Variants in IPO11 observed in about 807,000 individuals in gnomAD.
The protein encoded by IPO11 is importin 11, also known as importin-11.
IPO11 carries 66 observed loss-of-function variants against 143.2 expected under a neutral mutation model. That is an observed-to-expected ratio of 0.46 (90% CI 0.38 to 0.57). The LOEUF (loss-of-function observed/expected upper bound fraction) is 0.57. Ranked by LOEUF, IPO11 falls within the 20% of genes least tolerant of loss-of-function variation. The pLI is 0.00. For synonymous variants in IPO11, 385 were observed against 377.8 expected, an observed-to-expected ratio of 1.02 and a Z score of -0.22; for missense variants, 1,026 against 1,141.0, an observed-to-expected ratio of 0.90 and a Z score of 1.45.
chr5:62,615,090 G>A (rs888805947), intron 29 of IPO11, among the ~76,000 whole-genome samples: 3 of 152,086 alleles, frequency 2.0e-5, no homozygotes, highest in African/African-American at 4.8e-5. Context: ...TGTGGATTGC[G>A]GTCTATATAG....
chr5:62,413,779 T>G (rs949583335), intron 1 of IPO11, among the ~76,000 whole-genome samples: 2 of 152,242 alleles, frequency 1.3e-5, no homozygotes, highest in Non-Finnish European at 2.9e-5. Flanking sequence ...CCTCCTGGGA[T>G]AGGAATTTTC....
chr5:62,443,379 TTGAGTGTGTG>T (rs1468421943), intron 3 of IPO11: 31 of 221,230 alleles, frequency 1.4e-4, no homozygotes, highest in African/African-American at 8.6e-4. Flanking sequence ...GGTTTTCCAT[TTGAGTGTGTG>T]TGTGTGTGTG....
intron 1 of IPO11, chr5:62,418,851 T>C: frequency 1.4e-6 from 1 of 728,932 alleles, no homozygotes; most frequent in African/African-American, 1.8e-5. Flanking sequence ...TGTCTCCTTA[T>C]TCTTATATGC....
rs1321125709 is a variant in IPO11, at chr5:62,598,553, CTTTT to C, written c.2679-3202_2679-3199del. On this transcript the variant is annotated intron_variant, in intron 28 of 29. Coordinates refer to ENST00000325324, the MANE Select transcript of IPO11 (RefSeq NM_016338.5). ...TTTCTTTCTTTTCTTTCTTTTCTTTCTTTTTTTTTTTTATGGAGTCTTGCCCTGT... is the reference window on the plus strand; with the variant it reads ...TTTCTTTCTTTTCTTTCTTTTCTTTCTTTTTTTTATGGAGTCTTGCCCTGT... Among the ~76,000 whole-genome samples the C allele has an allele frequency of 3.7e-4, 3 of 8,110 alleles. 1 individual carries two copies. In the African/African-American group the frequency reaches 4.6e-3, roughly 12 times the overall value. 5.3% of individuals were successfully genotyped at this position (8,110 alleles called of 152,430 possible). A position where few individuals can be genotyped will look rare whatever the true frequency, so the allele number is the denominator to read the frequency against.
intron 29 of IPO11, among the ~76,000 whole-genome samples, chr5:62,616,681 C>G (rs1043285693): frequency 2.1e-5 from 3 of 141,060 alleles, no homozygotes; most frequent in Admixed American, 1.5e-4. Context: ...GGCTGTGCCC[C>G]TGCACTCCAG....
At chr5:62,416,339 C>T (rs142952579) in intron 1 of IPO11, among the ~76,000 whole-genome samples, 2,733 of 151,932 alleles carry the variant, frequency 0.018, 91 homozygotes, top group African/African-American at 0.062. Context: ...CTCACCACCA[C>T]GCCCGGCTAA....
chr5:62,623,645 C>CTT (rs34547621), intron 29 of IPO11, among the ~76,000 whole-genome samples: 50 of 134,244 alleles, frequency 3.7e-4, no homozygotes, highest in Admixed American at 6.0e-4. Context: ...TCTTCTTTTT[C>CTT]TTTTTTTTTT....
intron 20 of IPO11, among the ~76,000 whole-genome samples, chr5:62,516,928 G>T (rs1254549892): frequency 1.3e-5 from 2 of 151,440 alleles, no homozygotes; most frequent in African/African-American, 2.4e-5. Flanking sequence ...GCTGGGCGTG[G>T]TGGCTCAAGC....
intron 16 of IPO11, among the ~76,000 whole-genome samples, chr5:62,499,303 T>G (rs187430476): frequency 1.2e-3 from 189 of 152,302 alleles, no homozygotes; most frequent in Non-Finnish European, 2.2e-3. Context: ...GGTAAGTATT[T>G]GTGTGTCTAA....
intron 2 of IPO11, among the ~76,000 whole-genome samples, chr5:62,441,042 A>G (rs1435524423): frequency 6.6e-6 from 1 of 152,130 alleles, no homozygotes; most frequent in Non-Finnish European, 1.5e-5. Context: ...GTTTTCCTAT[A>G]CAAGGTTTAA....
chr5:62,427,102 T>C (rs1385628208), intron 1 of IPO11, among the ~76,000 whole-genome samples: 1 of 151,558 alleles, frequency 6.6e-6, no homozygotes, highest in Non-Finnish European at 1.5e-5. Context: ...CACACCTGGC[T>C]CATTTTTTTG....
intron 13 of IPO11, among the ~76,000 whole-genome samples, chr5:62,489,040 A>C (rs1196365924): frequency 6.6e-6 from 1 of 152,222 alleles, no homozygotes; most frequent in Non-Finnish European, 1.5e-5. Flanking sequence ...ATAGCACATT[A>C]GCATTTTGTG....
At chr5:62,611,866 A>G (rs190805906) in intron 29 of IPO11, among the ~76,000 whole-genome samples, 2 of 152,218 alleles carry the variant, frequency 1.3e-5, no homozygotes, top group East Asian at 3.9e-4. Flanking sequence ...AAATTGTAGT[A>G]CTTACTGTCT....
chr5:62,557,992 T>C (rs576249977), intron 26 of IPO11, among the ~76,000 whole-genome samples: 45 of 152,342 alleles, frequency 3.0e-4, no homozygotes, highest in African/African-American at 1.1e-3. Context: ...GTAAGTCACC[T>C]AGAACTTTAT....
intron 27 of IPO11, chr5:62,579,747 CTT>C (rs1744471602): frequency 1.3e-6 from 2 of 1,547,072 alleles, no homozygotes; most frequent in Non-Finnish European, 1.7e-6. Context: ...ATCCAAAAGC[CTT>C]TGTTCAATTG....
At chr5:62,417,396 T>C (rs1440794755) in intron 1 of IPO11, among the ~76,000 whole-genome samples, 1 of 148,494 alleles carries the variant, frequency 6.7e-6, no homozygotes, top group Non-Finnish European at 1.5e-5. Context: ...TTTGATGTAG[T>C]GGTGATCACC....
chr5:62,546,546 A>G (rs975052014), intron 24 of IPO11, among the ~76,000 whole-genome samples: 10 of 152,158 alleles, frequency 6.6e-5, no homozygotes, highest in African/African-American at 2.2e-4. Context: ...ATGTATACAT[A>G]TGTAACAAAC....
chr5:62,608,781 A>G (rs1458840853), intron 29 of IPO11, among the ~76,000 whole-genome samples: 3 of 152,192 alleles, frequency 2.0e-5, no homozygotes, highest in Non-Finnish European at 4.4e-5. Context: ...CTGACAATTG[A>G]TAGTTTATGT....
chr5:62,551,210 TTTAATTG>T lies in IPO11; in HGVS notation c.2347-11_2347-5del, dbSNP rs761504525. On this transcript the variant is annotated splice_region_variant and splice_polypyrimidine_tract_variant and intron_variant, in intron 25 of 29. Transcript: ENST00000325324. ...TAACACAATTTTACATGTGTTGTAT[TTTAATTG>T]TACAGAGGTATCCTGTAGTGATGTC... The T allele has an allele frequency of 2.0e-5, 29 of 1,443,296 alleles. No homozygotes were observed. The South Asian group carries it at 3.4e-4, about 17-fold the overall frequency. The allele number at this position is 1,443,296 out of a possible 1,614,324, so 89.4% of individuals were successfully genotyped here. A position where few individuals can be genotyped will look rare whatever the true frequency, so the allele number is the denominator to read the frequency against.
Sources: allele counts gnomAD v4.1 joint callset (sites outside exome capture counted in the v4.1 genomes callset), GRCh38; gene constraint gnomAD v4.1.1; transcripts MANE v1.5; gene names NCBI Gene and HGNC (gene_info 2026-07-23, HGNC 2026-07-21).